The following ABCB8 variants were observed in gnomAD, a reference collection of about 807,000 sequenced individuals.
ABCB8 encodes the protein mitochondrial potassium channel ATP-binding subunit.
Under a neutral mutation model 73.0 loss-of-function variants are expected in ABCB8, and 52 were observed. The observed-to-expected ratio is 0.71, with a 90% CI of 0.57 to 0.90. ABCB8 has a LOEUF of 0.90. ABCB8 is among the 40% of genes least tolerant of loss of function. The pLI, the probability that ABCB8 is intolerant of heterozygous loss-of-function variation, is 0.00. For missense variants in ABCB8, 909 were observed against 974.6 expected, an observed-to-expected ratio of 0.93 and a Z score of 0.90; for synonymous variants, 428 against 423.5, an observed-to-expected ratio of 1.01 and a Z score of -0.13.
At chr7:151,035,495 A>C in intron 5 of ABCB8, 86 bp from the exon 6 acceptor site, 1 of 1,458,156 alleles carries the variant, frequency 6.9e-7, no homozygotes, top group Non-Finnish European at 9.2e-7. Flanking sequence ...GTGGGAGTGC[A>C]GAGCTACAGT....
At chr7:151,034,945 G>A (rs552675927) in intron 5 of ABCB8, 116 bp downstream of exon 5, 95 of 883,816 alleles carry the variant, frequency 1.1e-4, no homozygotes, top group Non-Finnish European at 1.4e-4. Context: ...ATGCTGACTC[G>A]AGAAACCCAC....
In ABCB8 at chr7:151,036,641, A is replaced by G; in HGVS notation, c.1209A>G (p.Thr403=). 3 of 1,606,714 alleles carry G rather than the reference A, an allele frequency of 1.9e-6. No homozygotes were observed. In the South Asian group the frequency reaches 3.3e-5, roughly 18 times the overall value. ...TGTCCTTCCTGGTGGCCTCCCAGACAGTGCAAAGGTAAGTGGGGGCCGTTC... is the reference window on the plus strand; with the variant it reads ...TGTCCTTCCTGGTGGCCTCCCAGACGGTGCAAAGGTAAGTGGGGGCCGTTC... ...DLMSFLVASQ[T]VQRSMANLSV... is the part of the protein sequence containing the mutation. Residue 403 remains threonine (T), a synonymous_variant, in exon 9 of 16, where the codon ACA becomes ACG. Transcript: ENST00000358849.
chr7:151,028,837 G>A (rs1216029546), intron 1 of ABCB8: 20 of 1,553,182 alleles, frequency 1.3e-5, no homozygotes, highest in African/African-American at 4.0e-5. Flanking sequence ...TCAGCCAGAA[G>A]GAGGGGACGC....
chr7:151,034,224 A>G, intron 2 of ABCB8, 49 bp from the exon 3 acceptor site: 2 of 1,562,002 alleles, frequency 1.3e-6, no homozygotes, highest in Non-Finnish European at 8.7e-7. Flanking sequence ...GATGGGGAGG[A>G]GTGGCTCCCC....
intron 8 of ABCB8, 68 bp downstream of exon 8, chr7:151,036,238 A>G (rs1796305807): frequency 1.5e-5 from 22 of 1,448,156 alleles, no homozygotes; most frequent in Non-Finnish European, 2.0e-5. Flanking sequence ...CAGCCAAGGC[A>G]GGCAAAGGCC....
Position 151,036,070 on chromosome 7 carries a change from C to G in ABCB8, c.1014-3C>G. ...TCCTGAATGCACTGGTCTCTCTCAC[C>G]AGGCGCTATGGGGCAGAGCTGGAAG... On this transcript the variant is annotated splice_region_variant and splice_polypyrimidine_tract_variant and intron_variant, in intron 7 of 15. Coordinates refer to ENST00000358849, the MANE Select transcript of ABCB8 (RefSeq NM_007188.5). 6.2e-7 allele frequency: 1 copy of G among 1,613,122 alleles called. No individual in the cohort carries two copies. Among genetic ancestry groups the G allele is most frequent in the South Asian group, 1.1e-5 (1 of 91,066 alleles).
chr7:151,040,704 G>A, intron 11 of ABCB8, 70 bp downstream of exon 11: 1 of 1,599,736 alleles, frequency 6.3e-7, no homozygotes, highest in Non-Finnish European at 8.5e-7. Flanking sequence ...TTCGGGGGTG[G>A]AGGTCTGGAC....
Position 151,035,908 on chromosome 7 carries a change from CGAG to C in ABCB8, c.956_958del (p.Glu319del), listed in dbSNP as rs748682978. 14 of 1,613,698 alleles carry C rather than the reference CGAG, an allele frequency of 8.7e-6. No homozygotes were observed. The highest frequency in any genetic ancestry group is 1.2e-5 in the Non-Finnish European group (14 of 1,180,040). ...TCGCCAGGGCAATGGGCGTAGCAGA[CGAG>C]GCCCTGGGCAATGTGCGGACTGTGC... is the stretch of plus-strand genomic sequence containing the variant. On this transcript the variant is annotated inframe_deletion, in exon 7 of 16. Transcript: ENST00000358849.
intron 14 of ABCB8, among the ~76,000 whole-genome samples, chr7:151,043,729 A>T (rs1796534524): frequency 1.2e-5 from 1 of 81,678 alleles, no homozygotes; most frequent in Non-Finnish European, 2.4e-5. Context: ...AGGCAGGAGG[A>T]GGGTGCACAG....
rs540495352 is a variant in ABCB8, at chr7:151,034,339, G to A, written c.475G>A (p.Val159Met). Residue 159 changes from valine (V) to methionine (M), a missense_variant, in exon 3 of 16, where the codon GTG (valine) becomes ATG (methionine). Val to Met is a conservative substitution (Grantham distance 21). Transcript: ENST00000358849. ...GCTCCTGGGCCAGCTGGTAGAGGTC[G>A]TGGCCAAGTACACAAGGGACCACGT... is the stretch of plus-strand genomic sequence containing the variant. ...PLLLGQLVEVVAKYTRDHVGS... is the reference protein window; with the variant it reads ...PLLLGQLVEVMAKYTRDHVGS... The A allele has an allele frequency of 1.1e-5, 17 of 1,613,860 alleles. No individual in the cohort carries two copies. Among genetic ancestry groups the A allele is most frequent in the East Asian group, 8.9e-5 (4 of 44,886 alleles).
chr7:151,036,740 G>A (rs1796320781), intron 9 of ABCB8, 91 bp downstream of exon 9: 2 of 1,112,026 alleles, frequency 1.8e-6, no homozygotes, highest in South Asian at 2.6e-5. Flanking sequence ...GCCTTCTCTG[G>A]GGGCCGACTG....
chr7:151,035,437 G>A (rs774178259), intron 5 of ABCB8, 144 bp from the exon 6 acceptor site: 23 of 931,714 alleles, frequency 2.5e-5, no homozygotes, highest in South Asian at 9.7e-5. Flanking sequence ...TACTGTGACC[G>A]GTGGACTGCC....
At chr7:151,045,134 G>C in intron 15 of ABCB8, 75 bp from the exon 16 acceptor site, 1 of 1,428,978 alleles carries the variant, frequency 7.0e-7, no homozygotes. Flanking sequence ...GGCTGATAGA[G>C]AGGCTCAGCT....
intron 9 of ABCB8, chr7:151,037,222 C>G (rs745443791): frequency 1.6e-4 from 114 of 702,936 alleles, no homozygotes; most frequent in Non-Finnish European, 2.6e-4. Flanking sequence ...CGTTTTGTCA[C>G]TCCACATTGT....
chr7:151,042,896 G>A (rs907243049), intron 14 of ABCB8, among the ~76,000 whole-genome samples: 1 of 152,236 alleles, frequency 6.6e-6, no homozygotes, highest in African/African-American at 2.4e-5. Context: ...GATGCCAGCT[G>A]TCCTCACTGG....
At position 151,035,841 on chromosome 7, in the gene ABCB8, GT is replaced by G. The variant is rs755489368; in HGVS notation, c.928-37del. 5 of 1,610,956 alleles carry G rather than the reference GT, an allele frequency of 3.1e-6. No individual in the cohort carries two copies. The East Asian group carries it at 6.7e-5, about 22-fold the overall frequency. ...GTCCCCATCCTGGACTCCTTGTCCT[GT>G]TTTCTGGACTCCTTGTCCTGTTTCC... is the stretch of plus-strand genomic sequence containing the variant. On this transcript the variant is annotated intron_variant, in intron 6 of 15. Coordinates refer to ENST00000358849, the MANE Select transcript of ABCB8 (RefSeq NM_007188.5).
rs1013427217 is a variant in ABCB8, at chr7:151,037,536, A to G, written c.1217+887A>G. ...TTCCAAGCTAAACACAAGCAGTTCTACATAAATATGTTATGGTAAATAATG... is the reference window on the plus strand; with the variant it reads ...TTCCAAGCTAAACACAAGCAGTTCTGCATAAATATGTTATGGTAAATAATG... On this transcript the variant is annotated intron_variant, in intron 9 of 15. Coordinates refer to ENST00000358849, the MANE Select transcript of ABCB8 (RefSeq NM_007188.5). 3.1e-5 allele frequency: 18 copies of G among 584,774 alleles called. No individual in the cohort carries two copies. In the Admixed American group the frequency reaches 4.5e-4, roughly 15 times the overall value. 36.2% of individuals were successfully genotyped at this position (584,774 alleles called of 1,614,324 possible).
chr7:151,033,852 T>A lies in ABCB8; in HGVS notation c.343T>A (p.Phe115Ile), dbSNP rs778203627. The A allele has an allele frequency of 1.2e-6, 2 of 1,613,370 alleles. No homozygotes were observed. Among genetic ancestry groups the A allele is most frequent in the South Asian group, 2.2e-5 (2 of 91,012 alleles). The part of the protein sequence containing the change: ...SSTPHVVGSR[F>I]NWKLFWQFLH... ...CACACCCCATGTCGTGGGGTCTCGC[T>A]TTAACTGGAAGCTCTTCTGGCAGTT... The change falls in exon 2 of 16, where the codon TTT becomes ATT. Residue 115 changes from phenylalanine (F) to isoleucine (I), a missense_variant. Transcript: ENST00000358849.
intron 15 of ABCB8, 22 bp downstream of exon 15, chr7:151,044,243 GA>G (rs746087559): frequency 6.3e-7 from 1 of 1,590,620 alleles, no homozygotes; most frequent in East Asian, 2.3e-5. Context: ...TGGGGGCGTG[GA>G]TCAGTGGGTT....
Sources: allele counts gnomAD v4.1 joint callset (sites outside exome capture counted in the v4.1 genomes callset), GRCh38; gene constraint gnomAD v4.1.1; transcripts MANE v1.5; gene names NCBI Gene and HGNC (gene_info 2026-07-23, HGNC 2026-07-21).